CCSER1: variants seen among roughly 807,000 people sequenced by gnomAD.
CCSER1 encodes the protein coiled-coil serine rich protein 1.
CCSER1 carries 41 observed loss-of-function variants against 82.0 expected under a neutral mutation model. The ratio of observed to expected loss-of-function variants is 0.50; its 90% CI spans 0.39 to 0.65. CCSER1 has a LOEUF of 0.65. CCSER1 is among the 30% of genes least tolerant of loss of function. The pLI, the probability that CCSER1 is intolerant of heterozygous loss-of-function variation, is 0.00. For missense variants in CCSER1, 1,119 were observed against 1,064.2 expected (o/e 1.05, Z -0.72); for synonymous variants, 414 against 383.9 (o/e 1.08, Z -0.92).
At chr4:90,514,992 G>A (rs1772066641) in intron 5 of CCSER1, among the ~76,000 whole-genome samples, 1 of 151,534 alleles carries the variant, frequency 6.6e-6, no homozygotes, top group Non-Finnish European at 1.5e-5. Flanking sequence ...TGAGTAGCTG[G>A]GACTACAGGC....
rs1490817314 is a variant in CCSER1 at position 90,400,146 on chromosome 4, T to A, written c.1603+17T>A. 2 of 1,396,494 alleles carry A rather than the reference T, an allele frequency of 1.4e-6. No homozygotes were observed. Among genetic ancestry groups the A allele is most frequent in the South Asian group, 1.2e-5 (1 of 84,004 alleles). The allele number at this position is 1,396,494 out of a possible 1,614,324, so 86.5% of individuals were successfully genotyped here. On this transcript the variant is annotated intron_variant, in intron 4 of 10. Coordinates refer to ENST00000509176, the MANE Select transcript of CCSER1 (RefSeq NM_001145065.2). ...ACCCTTCTGGTAAGTGTTAAAGAGATGAATAATATCATACAACTCCTACCC... is the reference window on the plus strand; with the variant it reads ...ACCCTTCTGGTAAGTGTTAAAGAGAAGAATAATATCATACAACTCCTACCC...
intron 3 of CCSER1, among the ~76,000 whole-genome samples, chr4:90,339,134 A>G (rs1019257705): frequency 6.6e-6 from 1 of 152,202 alleles, no homozygotes; most frequent in South Asian, 2.1e-4. Flanking sequence ...AGTAAATCCA[A>G]TTACCAACTT....
intron 10 of CCSER1, among the ~76,000 whole-genome samples, chr4:91,207,648 G>T (rs982960967): frequency 7.9e-5 from 12 of 151,910 alleles, no homozygotes; most frequent in East Asian, 1.9e-4. Context: ...CATTTAGGTT[G>T]ATGACATGTC....
intron 4 of CCSER1, among the ~76,000 whole-genome samples, chr4:90,411,905 A>C (rs1369091619): frequency 6.6e-6 from 1 of 152,144 alleles, no homozygotes; most frequent in Non-Finnish European, 1.5e-5. Flanking sequence ...CCTTAAGCTG[A>C]TAAGCAACTT....
intron 7 of CCSER1, among the ~76,000 whole-genome samples, chr4:90,729,391 C>T (rs1744294029): frequency 6.6e-6 from 1 of 152,102 alleles, no homozygotes; most frequent in South Asian, 2.1e-4. Flanking sequence ...ACAAGTCATG[C>T]TATTTATTTT....
intron 3 of CCSER1, among the ~76,000 whole-genome samples, chr4:90,343,269 G>A (rs1345887173): frequency 6.6e-6 from 1 of 152,076 alleles, no homozygotes; most frequent in African/African-American, 2.4e-5. Flanking sequence ...TAAAACTTCA[G>A]TCTGCCTTCC....
At chr4:90,133,187 G>A (rs1723095492) in intron 1 of CCSER1, among the ~76,000 whole-genome samples, 1 of 152,140 alleles carries the variant, frequency 6.6e-6, no homozygotes, top group Admixed American at 6.5e-5. Flanking sequence ...GTAAACTAAG[G>A]TTCAGATATT....
chr4:90,512,097 A>G (rs936581874), intron 5 of CCSER1, among the ~76,000 whole-genome samples: 9 of 152,120 alleles, frequency 5.9e-5, no homozygotes, highest in Non-Finnish European at 1.3e-4. Context: ...TTCCGTAGAT[A>G]TGTGGTCACA....
At chr4:91,456,592 T>C (rs75895962) in intron 10 of CCSER1, among the ~76,000 whole-genome samples, 26 of 152,254 alleles carry the variant, frequency 1.7e-4, no homozygotes, top group African/African-American at 6.0e-4. Flanking sequence ...GAAGTAGTCA[T>C]TCTGAAAATA....
intron 8 of CCSER1, among the ~76,000 whole-genome samples, chr4:90,849,728 G>A (rs775748583): frequency 6.0e-5 from 9 of 149,534 alleles, no homozygotes; most frequent in East Asian, 2.0e-4. Flanking sequence ...GGCAGAGCTT[G>A]CAGTGAGCCG....
At chr4:90,569,730 A>C (rs577424977) in intron 5 of CCSER1, among the ~76,000 whole-genome samples, 1 of 152,274 alleles carries the variant, frequency 6.6e-6, no homozygotes, top group African/African-American at 2.4e-5. Flanking sequence ...CCATCTCTCA[A>C]GGCTCTCCAT....
intron 5 of CCSER1, among the ~76,000 whole-genome samples, chr4:90,510,224 CTTTTAGGTA>C (rs953285625): frequency 2.0e-5 from 3 of 152,074 alleles, no homozygotes; most frequent in Non-Finnish European, 4.4e-5. Context: ...AAACTCTATT[CTTTTAGGTA>C]TTTATTGCTT....
rs181237254 is a variant in CCSER1 at position 90,859,563 on chromosome 4, G to A, written c.2094+43718G>A. Among the ~76,000 whole-genome samples, 46 of 151,804 alleles carry A rather than the reference G, an allele frequency of 3.0e-4. No individual in the cohort carries two copies. In the East Asian group the frequency reaches 8.5e-3, roughly 28 times the overall value. The stretch of plus-strand genomic sequence containing the variant: ...AGGATGATAGAATTAAAAAATAATT[G>A]AATCCTAAAATCTGAACTTCAAATT... On this transcript the variant is annotated intron_variant, in intron 8 of 10. Coordinates refer to ENST00000509176, the MANE Select transcript of CCSER1 (RefSeq NM_001145065.2).
intron 3 of CCSER1, among the ~76,000 whole-genome samples, chr4:90,357,249 T>C (rs894070334): frequency 6.6e-6 from 1 of 151,950 alleles, no homozygotes; most frequent in Non-Finnish European, 1.5e-5. Flanking sequence ...CCATAGCAGG[T>C]ATAGGCCACT....
At chr4:90,709,073 A>G (rs897348797) in intron 6 of CCSER1, among the ~76,000 whole-genome samples, 8 of 152,176 alleles carry the variant, frequency 5.3e-5, no homozygotes, top group African/African-American at 1.9e-4. Context: ...AAAAATGGAA[A>G]TACAAAATAT....
intron 7 of CCSER1, among the ~76,000 whole-genome samples, chr4:90,778,575 A>T (rs75793484): frequency 0.13 from 19,500 of 150,562 alleles, 1,572 homozygotes; most frequent in Non-Finnish European, 0.18. Flanking sequence ...CATATTTTTT[A>T]AAAAAATCTA....
intron 8 of CCSER1, among the ~76,000 whole-genome samples, chr4:90,880,771 C>G (rs770198621): frequency 6.6e-6 from 1 of 152,008 alleles, no homozygotes; most frequent in Non-Finnish European, 1.5e-5. Context: ...CTCTAGTCAC[C>G]TCAGATTTTC....
chr4:90,905,865 G>T (rs546276177), intron 8 of CCSER1, among the ~76,000 whole-genome samples: 1 of 151,992 alleles, frequency 6.6e-6, no homozygotes, highest in African/African-American at 2.4e-5. Flanking sequence ...CCAAAATGTC[G>T]CATAACTAGT....
intron 3 of CCSER1, among the ~76,000 whole-genome samples, chr4:90,315,153 C>T (rs1053625303): frequency 3.9e-5 from 6 of 152,110 alleles, no homozygotes; most frequent in East Asian, 1.9e-4. Flanking sequence ...CTCAGCCCTC[C>T]GATCCGCTTT....
Sources: allele counts gnomAD v4.1 joint callset (sites outside exome capture counted in the v4.1 genomes callset), GRCh38; gene constraint gnomAD v4.1.1; transcripts MANE v1.5; gene names NCBI Gene and HGNC (gene_info 2026-07-23, HGNC 2026-07-21).